UBAC2: variants seen among roughly 807,000 people sequenced by gnomAD.
UBAC2 encodes ubiquitin-associated domain-containing protein 2.
UBAC2 carries 26 observed loss-of-function variants against 44.0 expected under a neutral mutation model. The ratio of observed to expected loss-of-function variants is 0.59; its 90% CI spans 0.43 to 0.82. The LOEUF (loss-of-function observed/expected upper bound fraction) is 0.82, where lower values mean the gene tolerates loss of function less well. Ranked by LOEUF, UBAC2 falls within the 40% of genes least tolerant of loss-of-function variation. The probability of loss-of-function intolerance (pLI) is 0.00; values close to 1 mark genes in which losing one functional copy is unlikely to be tolerated. For missense variants in UBAC2, 329 were observed against 419.4 expected (o/e 0.78, Z 1.88); for synonymous variants, 155 against 154.3 (o/e 1.00, Z -0.04).
intron 1 of UBAC2, among the ~76,000 whole-genome samples, chr13:99,221,347 A>G (rs914657772): frequency 1.3e-5 from 2 of 152,214 alleles, no homozygotes; most frequent in African/African-American, 4.8e-5. Context: ...TTTGATTTCT[A>G]TTAGTGCTGT....
intron 4 of UBAC2, among the ~76,000 whole-genome samples, chr13:99,284,025 G>A (rs2043987890): frequency 6.6e-6 from 1 of 152,154 alleles, no homozygotes; most frequent in Non-Finnish European, 1.5e-5. Context: ...GAGCCACCAC[G>A]CCTGGCCAAT....
chr13:99,299,847 T>C (rs760549456), intron 4 of UBAC2, among the ~76,000 whole-genome samples: 4 of 152,164 alleles, frequency 2.6e-5, no homozygotes, highest in African/African-American at 4.8e-5. Context: ...ACAATAAATA[T>C]CAATTTTATA....
At chr13:99,234,348 C>T (rs1225519034) in intron 1 of UBAC2, 5 of 332,390 alleles carry the variant, frequency 1.5e-5, no homozygotes, top group African/African-American at 6.8e-5. Flanking sequence ...CCACCACGCC[C>T]GGGTAATTTT....
At chr13:99,254,429 A>G (rs988293184) in intron 4 of UBAC2, among the ~76,000 whole-genome samples, 2 of 152,216 alleles carry the variant, frequency 1.3e-5, no homozygotes, top group Non-Finnish European at 2.9e-5. Context: ...CCTTGTAGTA[A>G]GTAACAGTAA....
At chr13:99,366,012 C>G (rs1014608178) in intron 7 of UBAC2, among the ~76,000 whole-genome samples, 6 of 152,154 alleles carry the variant, frequency 3.9e-5, no homozygotes, top group Non-Finnish European at 8.8e-5. Context: ...ATGAATGTAG[C>G]AACAACAGCT....
intron 4 of UBAC2, among the ~76,000 whole-genome samples, chr13:99,304,290 C>A (rs866862922): frequency 2.0e-5 from 3 of 152,290 alleles, no homozygotes; most frequent in Admixed American, 6.5e-5. Context: ...TATCCTGTAT[C>A]CTTAGCTCTT....
At chr13:99,255,374 A>G in intron 4 of UBAC2, 1 of 1,614,062 alleles carries the variant, frequency 6.2e-7, no homozygotes, top group Admixed American at 1.7e-5. Flanking sequence ...GCGGGAGTGG[A>G]GTCTTTATCT....
chr13:99,354,682 G>A (rs946077454), intron 7 of UBAC2, among the ~76,000 whole-genome samples: 2 of 151,760 alleles, frequency 1.3e-5, no homozygotes, highest in African/African-American at 4.9e-5. Flanking sequence ...TTTACGATGG[G>A]GCTGGTTTGG....
chr13:99,244,837 CTT>C (rs371728608), intron 4 of UBAC2, among the ~76,000 whole-genome samples: 12 of 145,656 alleles, frequency 8.2e-5, no homozygotes, highest in Non-Finnish European at 7.6e-5. Context: ...ATTTATTTTA[CTT>C]TTTTTTTTTT....
At chr13:99,318,460 C>T (rs1653216404) in intron 6 of UBAC2, among the ~76,000 whole-genome samples, 1 of 151,354 alleles carries the variant, frequency 6.6e-6, no homozygotes, top group African/African-American at 2.4e-5. Flanking sequence ...AGCCGCTGCA[C>T]CCGGCTCTCA....
At chr13:99,375,785 C>T (rs2045471367) in intron 8 of UBAC2, among the ~76,000 whole-genome samples, 1 of 146,630 alleles carries the variant, frequency 6.8e-6, no homozygotes, top group African/African-American at 2.5e-5. Flanking sequence ...ATTTTCTTTT[C>T]TCTTTTCCTT....
chr13:99,350,213 A>C (rs545962112), intron 7 of UBAC2, among the ~76,000 whole-genome samples: 2 of 152,056 alleles, frequency 1.3e-5, no homozygotes, highest in African/African-American at 4.8e-5. Flanking sequence ...CTCTTACTCT[A>C]TTTTCTTTTT....
In UBAC2 at chr13:99,315,938, G is replaced by A. The variant is rs180864727; in HGVS notation, c.513+1718G>A. Among the ~76,000 whole-genome samples, 71 of 151,508 alleles carry A rather than the reference G, an allele frequency of 4.7e-4. No individual in the cohort carries two copies. The East Asian group carries it at 8.2e-3, about 17-fold the overall frequency. ...AGTAGGTTGGTGCAAAAGTAATTGC[G>A]GTTTTTGCCATTAAAGTAAGGCAAA... On this transcript the variant is annotated intron_variant, in intron 5 of 8. Transcript: ENST00000403766.
intron 1 of UBAC2, chr13:99,215,664 C>T (rs996079051): frequency 4.1e-6 from 6 of 1,447,422 alleles, no homozygotes; most frequent in East Asian, 4.6e-5. Context: ...TTGATGAATA[C>T]AGCCCTCTGG....
intron 4 of UBAC2, among the ~76,000 whole-genome samples, chr13:99,309,042 A>G (rs1346504991): frequency 6.6e-6 from 1 of 152,164 alleles, no homozygotes; most frequent in African/African-American, 2.4e-5. Context: ...TATATTAAGT[A>G]AAACATTTTT....
chr13:99,381,406 C>T (rs572102864), intron 8 of UBAC2, among the ~76,000 whole-genome samples: 6 of 152,302 alleles, frequency 3.9e-5, no homozygotes, highest in Admixed American at 1.3e-4. Context: ...CAAATGGATT[C>T]GTTTGTGCTG....
At chr13:99,362,004 T>C (rs1321595792) in intron 7 of UBAC2, among the ~76,000 whole-genome samples, 1 of 152,078 alleles carries the variant, frequency 6.6e-6, no homozygotes, top group Non-Finnish European at 1.5e-5. Context: ...AAGACCCTCA[T>C]CCCCAAAAAA....
chr13:99,210,177 T>TA (rs2042921280), intron 1 of UBAC2, among the ~76,000 whole-genome samples: 1 of 152,214 alleles, frequency 6.6e-6, no homozygotes, highest in Admixed American at 6.5e-5. Flanking sequence ...TCTATACACT[T>TA]ATGTTCTTGT....
chr13:99,335,483 T>C (rs1421530629), intron 6 of UBAC2, among the ~76,000 whole-genome samples: 2 of 151,700 alleles, frequency 1.3e-5, no homozygotes, highest in Non-Finnish European at 2.9e-5. Flanking sequence ...CCATCACCCC[T>C]CTACAGCAAA....
Sources: gnomAD v4.1 joint callset for allele counts (sites outside exome capture counted in the v4.1 genomes callset) on GRCh38, gnomAD v4.1.1 for gene constraint, MANE v1.5 for transcripts, NCBI Gene and HGNC (gene_info 2026-07-23, HGNC 2026-07-21) for gene names.